The following SUMF1 variants were observed in gnomAD, a reference collection of about 807,000 sequenced individuals.
SUMF1 encodes sulfatase modifying factor 1.
In SUMF1, 48 loss-of-function variants were observed where a neutral mutation model predicts 47.6. That is an observed-to-expected ratio of 1.01 (90% CI 0.80 to 1.28). The LOEUF (loss-of-function observed/expected upper bound fraction) is 1.28, where lower values mean the gene tolerates loss of function less well. Ranked by LOEUF, SUMF1 falls within the 50% of genes most tolerant of loss-of-function variation. The pLI is 0.00. For synonymous variants in SUMF1, 230 were observed against 192.1 expected, an observed-to-expected ratio of 1.20 and a Z score of -1.63; for missense variants, 571 against 485.4, an observed-to-expected ratio of 1.18 and a Z score of -1.66.
intron 8 of SUMF1, among the ~76,000 whole-genome samples, chr3:4,348,973 A>T (rs1699431485): frequency 6.6e-6 from 1 of 152,242 alleles, no homozygotes; most frequent in Admixed American, 6.5e-5. Context: ...GTGAAAAGAA[A>T]TTGCAACAAA....
chr3:4,333,836 A>G (rs1345902214), intron 8 of SUMF1, among the ~76,000 whole-genome samples: 2 of 150,796 alleles, frequency 1.3e-5, no homozygotes, highest in Non-Finnish European at 3.0e-5. Context: ...TTTTTTTTTA[A>G]GTTTTAGCCA....
At chr3:4,334,206 G>A (rs555623107) in intron 8 of SUMF1, among the ~76,000 whole-genome samples, 73 of 152,158 alleles carry the variant, frequency 4.8e-4, no homozygotes, top group Non-Finnish European at 9.3e-4. Context: ...ATAAAGGCTA[G>A]ATATCAGCTT....
intron 8 of SUMF1, among the ~76,000 whole-genome samples, chr3:4,176,214 G>A (rs1694956926): frequency 1.3e-5 from 2 of 152,040 alleles, no homozygotes; most frequent in African/African-American, 2.4e-5. Context: ...CTCAAGAAGA[G>A]CAACCCCAAG....
In SUMF1 at chr3:4,174,343, G is replaced by A. The variant is rs568614778; in HGVS notation, c.1015-105598C>T. 7.2e-4 allele frequency among the ~76,000 whole-genome samples: 89 copies of A among 123,760 alleles called. No individual in the cohort carries two copies. The South Asian group carries it at 0.024, about 34-fold the overall frequency. The allele number at this position is 123,760 out of a possible 152,430, so 81.2% of individuals were successfully genotyped here. A position where few individuals can be genotyped will look rare whatever the true frequency, so the allele number is the denominator to read the frequency against. On this transcript the variant is annotated intron_variant and NMD_transcript_variant, in intron 8 of 12. Coordinates refer to the SUMF1 transcript ENST00000448413. ...TGCACTCCAGCCTGGGTGACAGAGCGAGACTCCGTCTCCAAAAAAAAAAAA... is the reference window on the plus strand; with the variant it reads ...TGCACTCCAGCCTGGGTGACAGAGCAAGACTCCGTCTCCAAAAAAAAAAAA...
chr3:4,179,735 C>CT (rs541953768), intron 8 of SUMF1, among the ~76,000 whole-genome samples: 30 of 152,112 alleles, frequency 2.0e-4, no homozygotes, highest in Non-Finnish European at 3.7e-4. Context: ...GCAAGAGAAA[C>CT]TATCATCAGC....
intron 8 of SUMF1, among the ~76,000 whole-genome samples, chr3:4,318,248 A>G (rs1357368148): frequency 6.6e-6 from 1 of 152,198 alleles, no homozygotes; most frequent in East Asian, 1.9e-4. Context: ...AGAATTATAC[A>G]CTGTGATCCA....
chr3:4,294,591 T>TCAA (rs542133758), intron 8 of SUMF1, among the ~76,000 whole-genome samples: 273 of 152,188 alleles, frequency 1.8e-3, no homozygotes, highest in African/African-American at 6.2e-3. Flanking sequence ...AGAACCTGTC[T>TCAA]CAACAACAAC....
intron 8 of SUMF1, among the ~76,000 whole-genome samples, chr3:4,209,793 A>G (rs1012765203): frequency 2.6e-5 from 4 of 152,196 alleles, no homozygotes; most frequent in Non-Finnish European, 5.9e-5. Flanking sequence ...TTGGGAATAC[A>G]TTTATCAAAC....
intron 8 of SUMF1, among the ~76,000 whole-genome samples, chr3:4,212,786 T>C (rs13064739): frequency 1.3e-5 from 2 of 152,022 alleles, no homozygotes; most frequent in East Asian, 3.8e-4. Context: ...AATAGCCGAA[T>C]TGATCAAGTG....
chr3:4,376,056 C>T (rs1426039016), intron 8 of SUMF1, among the ~76,000 whole-genome samples: 2 of 152,228 alleles, frequency 1.3e-5, no homozygotes, highest in African/African-American at 4.8e-5. Flanking sequence ...CACCCCTGTG[C>T]AGTTCGTGGG....
At chr3:4,162,322 T>C (rs1694597819) in intron 8 of SUMF1, among the ~76,000 whole-genome samples, 1 of 152,160 alleles carries the variant, frequency 6.6e-6, no homozygotes, top group Admixed American at 6.5e-5. Context: ...GTCTGGTGTC[T>C]CACTAGGTTG....
At chr3:4,268,917 T>A (rs943873761) in intron 8 of SUMF1, among the ~76,000 whole-genome samples, 1 of 152,130 alleles carries the variant, frequency 6.6e-6, no homozygotes, top group African/African-American at 2.4e-5. Flanking sequence ...CATATATATA[T>A]GCTTTCACTT....
chr3:4,037,037 G>T (rs1424026439), intron 9 of SUMF1, among the ~76,000 whole-genome samples: 1 of 151,954 alleles, frequency 6.6e-6, no homozygotes, highest in Non-Finnish European at 1.5e-5. Flanking sequence ...AAATCAGAAA[G>T]GTGTATCACC....
chr3:4,144,095 A>G (rs1399952944), intron 8 of SUMF1, among the ~76,000 whole-genome samples: 8 of 150,560 alleles, frequency 5.3e-5, no homozygotes, highest in Admixed American at 4.0e-4. Context: ...GGCTCAAGCA[A>G]TCTAGGACCA....
At chr3:4,074,516 AC>A (rs1264804314) in intron 8 of SUMF1, among the ~76,000 whole-genome samples, 3 of 152,140 alleles carry the variant, frequency 2.0e-5, no homozygotes, top group Non-Finnish European at 2.9e-5. Context: ...AGAAAGAGAC[AC>A]AAAAAAACCC....
intron 8 of SUMF1, among the ~76,000 whole-genome samples, chr3:4,208,339 C>G (rs2125159608): frequency 6.6e-6 from 1 of 152,074 alleles, no homozygotes; most frequent in Middle Eastern, 3.4e-3. Flanking sequence ...GAAACCTACT[C>G]ATAGGACTAA....
Position 4,331,034 on chromosome 3 carries a change from A to T in SUMF1, c.1014+45296T>A, listed in dbSNP as rs114834221. On this transcript the variant is annotated intron_variant and NMD_transcript_variant, in intron 8 of 12. Transcript: ENST00000448413. ...TACTGTATAGAAAAAGTAAATAATCATTTTAAATTTTAGACAACTTAACTG... is the reference window on the plus strand; with the variant it reads ...TACTGTATAGAAAAAGTAAATAATCTTTTTAAATTTTAGACAACTTAACTG... 8.1e-3 allele frequency among the ~76,000 whole-genome samples: 1,229 copies of T among 152,320 alleles called. 14 individuals are homozygous for T. Among genetic ancestry groups the T allele is most frequent in the African/African-American group, 0.028 (1,170 of 41,570 alleles).
chr3:4,286,214 G>GA (rs1697629717), intron 8 of SUMF1, among the ~76,000 whole-genome samples: 1 of 151,730 alleles, frequency 6.6e-6, no homozygotes, highest in Non-Finnish European at 1.5e-5. Flanking sequence ...TTTATAAATG[G>GA]AAAAATTTAT....
chr3:4,086,428 G>C (rs57320257), intron 8 of SUMF1, among the ~76,000 whole-genome samples: 2 of 151,812 alleles, frequency 1.3e-5, no homozygotes, highest in African/African-American at 2.4e-5. Flanking sequence ...TACAATATTG[G>C]ACAGCTGTGT....
Sources: allele counts gnomAD v4.1 joint callset (sites outside exome capture counted in the v4.1 genomes callset), GRCh38; gene constraint gnomAD v4.1.1; transcripts MANE v1.5; gene names NCBI Gene and HGNC (gene_info 2026-07-23, HGNC 2026-07-21).